Variants in SMCR8 observed in about 807,000 individuals in gnomAD.
SMCR8 encodes the protein guanine nucleotide exchange protein SMCR8.
A neutral mutation model predicts 56.6 loss-of-function variants in SMCR8; 30 were observed. The observed-to-expected ratio is 0.53, with a 90% CI of 0.40 to 0.72. The LOEUF (loss-of-function observed/expected upper bound fraction) is 0.72. SMCR8 is among the 30% of genes least tolerant of loss of function. The pLI is 0.00. For missense variants in SMCR8, 1,198 were observed against 1,157.0 expected (o/e 1.04, Z -0.51); for synonymous variants, 538 against 456.0 (o/e 1.18, Z -2.29).
chr17:18,320,967 C>G (rs891479389), intron 1 of SMCR8, among the ~76,000 whole-genome samples: 1 of 152,224 alleles, frequency 6.6e-6, no homozygotes, highest in African/African-American at 2.4e-5. Flanking sequence ...CTTCACTTCA[C>G]TGTACTTGTG....
rs779689371 is a variant in SMCR8 at position 18,323,113 on chromosome 17, A to T, written c.*43A>T. The T allele has an allele frequency of 7.1e-6, 11 of 1,552,664 alleles. No individual in the cohort carries two copies. Among genetic ancestry groups the T allele is most frequent in the Non-Finnish European group, 7.0e-6 (8 of 1,136,108 alleles). On this transcript the variant is annotated 3_prime_UTR_variant, in exon 2 of 2. Transcript: ENST00000406438. ...GTGACCAAGACCTGTGACTCAGGGTATGGGGAGGGGAGGGGTTGGCATGAC... is the reference window on the plus strand; with the variant it reads ...GTGACCAAGACCTGTGACTCAGGGTTTGGGGAGGGGAGGGGTTGGCATGAC...
Position 18,316,259 on chromosome 17 carries a change from A to G in SMCR8, c.470A>G (p.Tyr157Cys), listed in dbSNP as rs1168650307. ...TTCGTGAGGCCGTTTTGCATGGCTT[A>G]TATCTCTGCAGACCAGCATAAAATC... Reference protein sequence around the residue: ...RGFVRPFCMAYISADQHKIMQ... With the variant: ...RGFVRPFCMACISADQHKIMQ... The change falls in exon 1 of 2, where the codon TAT becomes TGT. Residue 157 changes from tyrosine (Y) to cysteine (C), a missense_variant. Coordinates refer to ENST00000406438, the MANE Select transcript of SMCR8 (RefSeq NM_144775.3). 1.2e-6 allele frequency: 2 copies of G among 1,613,880 alleles called. No individual in the cohort carries two copies. Among genetic ancestry groups the G allele is most frequent in the Admixed American group, 1.7e-5 (1 of 60,034 alleles).
chr17:18,315,878 A>G lies in SMCR8; in HGVS notation c.89A>G (p.Tyr30Cys), dbSNP rs774113775. The G allele has an allele frequency of 1.4e-5, 22 of 1,613,928 alleles. No individual in the cohort carries two copies. Among genetic ancestry groups the G allele is most frequent in the Non-Finnish European group, 1.9e-5 (22 of 1,179,972 alleles). The stretch of plus-strand genomic sequence containing the variant: ...AATGAGCCGGCCCTGCCTGAGGAGT[A>G]CTCGGTGCCGCTCTTCCCCTTCGCC... The part of the protein sequence containing the change: ...PYNEPALPEE[Y>C]SVPLFPFASQ... Residue 30 changes from tyrosine to cysteine, a missense_variant, in exon 1 of 2, where the codon TAC becomes TGC. Coordinates refer to ENST00000406438, the MANE Select transcript of SMCR8 (RefSeq NM_144775.3).
Position 18,317,725 on chromosome 17 carries a change from G to A in SMCR8, c.1936G>A (p.Gly646Arg). 1.9e-6 allele frequency: 3 copies of A among 1,614,158 alleles called. No homozygotes were observed. The highest frequency in any genetic ancestry group is 2.5e-6 in the Non-Finnish European group (3 of 1,180,036). ...TTCTTCCCGAGACAACAGTTGTGAA[G>A]GGTTTCCCGCTTATGAGCTGGACCC... ...NPSSRDNSCE[G>R]FPAYELDPSH... Residue 646 changes from glycine (G) to arginine (R), a missense_variant, in exon 1 of 2, where the codon GGG becomes AGG. Gly to Arg is a moderately radical substitution (Grantham distance 125, BLOSUM62 -2). Transcript: ENST00000406438.
At position 18,317,910 on chromosome 17, in the gene SMCR8, C is replaced by G; in HGVS notation, c.2121C>G (p.Gly707=). Residue 707 remains glycine (G), a synonymous_variant, in exon 1 of 2, where the codon GGC becomes GGG. Transcript: ENST00000406438. The part of the protein sequence containing the change: ...LSSDRHKKRA[G]QNALKFIRQY... ...CCGATAGGCATAAAAAGAGGGCTGG[C>G]CAGAACGCCTTAAAATTCATCCGCC... The G allele has an allele frequency of 6.2e-7, 1 of 1,614,158 alleles. No homozygotes were observed. The highest frequency in any genetic ancestry group is 8.5e-7 in the Non-Finnish European group (1 of 1,180,030).
chr17:18,317,185 A>G lies in SMCR8; in HGVS notation c.1396A>G (p.Ile466Val). The G allele has an allele frequency of 1.9e-6, 3 of 1,614,190 alleles. No homozygotes were observed. The East Asian group carries it at 6.7e-5, about 36-fold the overall frequency. ...CCTGGATATGGATATGAAAGGGAGT[A>G]TCAGCAGTGGTGAAAGTATTGAAGT... is the stretch of plus-strand genomic sequence containing the variant. ...DYLDMDMKGS[I>V]SSGESIEVLG... The change falls in exon 1 of 2, where the codon ATC becomes GTC. Residue 466 changes from isoleucine to valine, a missense_variant. Transcript: ENST00000406438.
In SMCR8 at chr17:18,323,077, TC is replaced by T. The variant is rs747655710; in HGVS notation, c.*10del. The stretch of plus-strand genomic sequence containing the variant: ...CTTTTTGTATAAAATCTGAGGTCGG[TC>T]CCAGACACTGTGACCAAGACCTGTG... On this transcript the variant is annotated 3_prime_UTR_variant, in exon 2 of 2. Transcript: ENST00000406438. 1 of 1,605,892 alleles carries T rather than the reference TC, an allele frequency of 6.2e-7. No homozygotes were observed. Among genetic ancestry groups the T allele is most frequent in the Non-Finnish European group, 8.5e-7 (1 of 1,174,828 alleles).
chr17:18,320,327 C>T (rs1198903834), intron 1 of SMCR8, among the ~76,000 whole-genome samples: 1 of 152,234 alleles, frequency 6.6e-6, no homozygotes, highest in African/African-American at 2.4e-5. Flanking sequence ...GTCATCTGGC[C>T]TCCTGAGGAG....
Position 18,323,226 on chromosome 17 carries a change from A to C in SMCR8, c.*156A>C. 1.5e-6 allele frequency: 1 copy of C among 663,472 alleles called. No individual in the cohort carries two copies. Among genetic ancestry groups the C allele is most frequent in the Non-Finnish European group, 2.5e-6 (1 of 392,786 alleles). 41.1% of individuals were successfully genotyped at this position (663,472 alleles called of 1,614,324 possible). On this transcript the variant is annotated 3_prime_UTR_variant, in exon 2 of 2. Transcript: ENST00000406438. ...GCTCCTAGTAGTTTTTAAGTTGGAC[A>C]TGGGCAGAAGTGGAGCCTGGCTCCC...
intron 1 of SMCR8, among the ~76,000 whole-genome samples, chr17:18,318,562 C>A (rs1232972011): frequency 1.3e-5 from 2 of 152,134 alleles, no homozygotes; most frequent in Non-Finnish European, 2.9e-5. Flanking sequence ...TGCCACCACA[C>A]CCGGCTAACT....
rs1434870316 is a variant in SMCR8 at position 18,324,122 on chromosome 17, TTC to T, written c.*1054_*1055del. On this transcript the variant is annotated 3_prime_UTR_variant, in exon 2 of 2. Coordinates refer to ENST00000406438, the MANE Select transcript of SMCR8 (RefSeq NM_144775.3). ...TCTCGTGGGCTTGGGACAGCAACGG[TTC>T]TGTTTAGTCAGCTGGTGCAGGTGGT... is the stretch of plus-strand genomic sequence containing the variant. 1 of 152,146 alleles carries T rather than the reference TTC, an allele frequency of 6.6e-6. No homozygotes were observed. Among genetic ancestry groups the T allele is most frequent in the Non-Finnish European group, 1.5e-5 (1 of 68,014 alleles). 9.4% of individuals were successfully genotyped at this position (152,146 alleles called of 1,614,324 possible).
Position 18,326,363 on chromosome 17 carries a change from C to T in SMCR8, c.*3293C>T, listed in dbSNP as rs992931175. On this transcript the variant is annotated 3_prime_UTR_variant, in exon 2 of 2. Transcript: ENST00000406438. ...AAAAGCCCCACTTTAGAGATCAGGC[C>T]ACAGCTTTTTATATCGCACAGGACA... is the stretch of plus-strand genomic sequence containing the variant. 6.6e-6 allele frequency: 1 copy of T among 152,212 alleles called. No individual in the cohort carries two copies. Among genetic ancestry groups the T allele is most frequent in the African/African-American group, 2.4e-5 (1 of 41,452 alleles). The allele number at this position is 152,212 out of a possible 1,614,324, so 9.4% of individuals were successfully genotyped here.
At position 18,315,589 on chromosome 17, in the gene SMCR8, G is replaced by A. The variant is rs1982230129; in HGVS notation, c.-201G>A. Reference sequence around the variant, plus strand: ...CGTTCATGAGGCCTCAGAGAGCTCCGGAGGAGCTACAACTGTGAGGGGGCT... The same window carrying A: ...CGTTCATGAGGCCTCAGAGAGCTCCAGAGGAGCTACAACTGTGAGGGGGCT... On this transcript the variant is annotated 5_prime_UTR_variant, in exon 1 of 2. Transcript: ENST00000406438. The A allele has an allele frequency of 7.4e-6, 4 of 543,026 alleles. No homozygotes were observed. Among genetic ancestry groups the A allele is most frequent in the Non-Finnish European group, 1.3e-5 (4 of 307,938 alleles). 33.6% of individuals were successfully genotyped at this position (543,026 alleles called of 1,614,324 possible).
In SMCR8 at chr17:18,318,078, C is replaced by G; in HGVS notation, c.2289C>G (p.Pro763=). ...FVPSYGCYAK[P]VKHWASSPLH... is the part of the protein sequence containing the mutation. ...CCAGCTATGGCTGCTACGCTAAGCC[C>G]GTGAAACATTGGGCCTCCTCCCCTT... Residue 763 remains proline (P), a synonymous_variant, in exon 1 of 2, where the codon CCC becomes CCG. Coordinates refer to ENST00000406438, the MANE Select transcript of SMCR8 (RefSeq NM_144775.3). The G allele has an allele frequency of 1.9e-6, 3 of 1,614,208 alleles. No homozygotes were observed. The highest frequency in any genetic ancestry group is 2.5e-6 in the Non-Finnish European group (3 of 1,180,034).
chr17:18,315,869 C>A lies in SMCR8; in HGVS notation c.80C>A (p.Pro27His). The change falls in exon 1 of 2, where the codon CCT becomes CAT. Residue 27 changes from proline to histidine, a missense_variant. Pro to His is a moderately conservative substitution (Grantham distance 77). Transcript: ENST00000406438. ...GAGCCTTACAATGAGCCGGCCCTGC[C>A]TGAGGAGTACTCGGTGCCGCTCTTC... is the stretch of plus-strand genomic sequence containing the variant. ...EEEPYNEPALPEEYSVPLFPF... is the reference protein window; with the variant it reads ...EEEPYNEPALHEEYSVPLFPF... 1 of 1,614,126 alleles carries A rather than the reference C, an allele frequency of 6.2e-7. No homozygotes were observed. The highest frequency in any genetic ancestry group is 1.3e-5 in the African/African-American group (1 of 75,028).
At position 18,316,208 on chromosome 17, in the gene SMCR8, C is replaced by T. The variant is rs1221544629; in HGVS notation, c.419C>T (p.Thr140Ile). ...GCCTTTGCATACGTGCACCACCTTA[C>T]CCTATACGACCTGGAGGCCCGTGGC... ...EGAFAYVHHLTLYDLEARGFV... is the reference protein window; with the variant it reads ...EGAFAYVHHLILYDLEARGFV... The change falls in exon 1 of 2, where the codon ACC (threonine) becomes ATC (isoleucine). Residue 140 changes from threonine to isoleucine, a missense_variant. Physicochemically the swap from Thr to Ile is moderately conservative, Grantham distance 89 (BLOSUM62 -1). Coordinates refer to ENST00000406438, the MANE Select transcript of SMCR8 (RefSeq NM_144775.3). 5.0e-6 allele frequency: 8 copies of T among 1,613,856 alleles called. No homozygotes were observed. The highest frequency in any genetic ancestry group is 4.4e-5 in the South Asian group (4 of 91,084).
rs766365205 is a variant in SMCR8 at position 18,318,045 on chromosome 17, C to T, written c.2256C>T (p.Ile752=). The change falls in exon 1 of 2, where the codon ATC becomes ATT. Residue 752 remains isoleucine (I), a synonymous_variant. Transcript: ENST00000406438. ...GGAAACTCGTGACTGCACTGGCTAT[C>T]TTTGTCCCCAGCTATGGCTGCTACG... ...IVRKLVTALA[I]FVPSYGCYAK... is the part of the protein sequence containing the mutation. The T allele has an allele frequency of 4.3e-6, 7 of 1,614,132 alleles. No individual in the cohort carries two copies. Among genetic ancestry groups the T allele is most frequent in the Non-Finnish European group, 5.9e-6 (7 of 1,180,052 alleles).
Position 18,315,498 on chromosome 17 carries a change from A to G in SMCR8, c.-292A>G. 5.5e-6 allele frequency: 2 copies of G among 361,352 alleles called. No homozygotes were observed. Among genetic ancestry groups the G allele is most frequent in the South Asian group, 4.6e-5 (1 of 21,884 alleles). 22.4% of individuals were successfully genotyped at this position (361,352 alleles called of 1,614,324 possible). On this transcript the variant is annotated 5_prime_UTR_variant, in exon 1 of 2. Transcript: ENST00000406438. ...CGGAGAGTGCAGGTGATTTCGCAGC[A>G]GGTTTCTTGTGCTGGCCGCGCTCGC...
In SMCR8 at chr17:18,327,574, C is replaced by G. The variant is rs935386394; in HGVS notation, c.*4504C>G. ...CAAGGTGGGACCACAGGCTGCCTCACCGGGATTGTCTGCCACTAAATAGCT... is the reference window on the plus strand; with the variant it reads ...CAAGGTGGGACCACAGGCTGCCTCAGCGGGATTGTCTGCCACTAAATAGCT... On this transcript the variant is annotated 3_prime_UTR_variant, in exon 2 of 2. Coordinates refer to ENST00000406438, the MANE Select transcript of SMCR8 (RefSeq NM_144775.3). 8 of 152,240 alleles carry G rather than the reference C, an allele frequency of 5.3e-5. No individual in the cohort carries two copies. The highest frequency in any genetic ancestry group is 3.9e-4 in the Admixed American group (6 of 15,286). The allele number at this position is 152,240 out of a possible 1,614,324, so 9.4% of individuals were successfully genotyped here.
Sources: allele counts gnomAD v4.1 joint callset (sites outside exome capture counted in the v4.1 genomes callset), GRCh38; gene constraint gnomAD v4.1.1; transcripts MANE v1.5; gene names NCBI Gene and HGNC (gene_info 2026-07-23, HGNC 2026-07-21).